TOX: variants seen among roughly 807,000 people sequenced by gnomAD.
The protein encoded by TOX is thymocyte selection associated high mobility group box.
In TOX, 11 loss-of-function variants were observed where a neutral mutation model predicts 53.7. The observed-to-expected ratio is 0.20, with a 90% confidence interval of 0.13 to 0.34. TOX has a LOEUF of 0.34. Among genes scored for constraint, TOX ranks in the 10% least tolerant of loss-of-function variants. The pLI is 1.00. For missense variants in TOX, 570 were observed against 664.6 expected (o/e 0.86, Z 1.56); for synonymous variants, 225 against 245.3 (o/e 0.92, Z 0.77).
chr8:58,856,638 T>C (rs1305857869), intron 3 of TOX, among the ~76,000 whole-genome samples: 1 of 152,164 alleles, frequency 6.6e-6, no homozygotes, highest in African/African-American at 2.4e-5. Context: ...AGGAGGACAT[T>C]TGTAGCTTCC....
chr8:59,066,856 T>C (rs907705953), intron 1 of TOX, among the ~76,000 whole-genome samples: 3 of 152,242 alleles, frequency 2.0e-5, no homozygotes, highest in African/African-American at 7.2e-5. Flanking sequence ...AAACTCATTA[T>C]GACCAAAAGC....
chr8:58,912,993 A>G (rs568111141), intron 3 of TOX, among the ~76,000 whole-genome samples: 2 of 152,322 alleles, frequency 1.3e-5, no homozygotes, highest in Admixed American at 6.5e-5. Context: ...TGTCCTTACT[A>G]ACAAATGAAG....
At chr8:59,040,048 G>A (rs1803546746) in intron 1 of TOX, among the ~76,000 whole-genome samples, 1 of 152,030 alleles carries the variant, frequency 6.6e-6, no homozygotes, top group South Asian at 2.1e-4. Flanking sequence ...AAGAAGCATC[G>A]GCCGGGCGCG....
chr8:58,881,595 G>A (rs184500346), intron 3 of TOX, among the ~76,000 whole-genome samples: 1 of 151,868 alleles, frequency 6.6e-6, no homozygotes, highest in Non-Finnish European at 1.5e-5. Flanking sequence ...GTGGTGGCAC[G>A]TGCCTGTAGT....
chr8:59,044,163 G>C (rs960887628), intron 1 of TOX, among the ~76,000 whole-genome samples: 9 of 149,912 alleles, frequency 6.0e-5, no homozygotes, highest in Non-Finnish European at 1.2e-4. Context: ...GTTCAGAAAA[G>C]CTATGGTGGT....
chr8:59,106,714 A>C (rs945111965), intron 1 of TOX, among the ~76,000 whole-genome samples: 2 of 152,166 alleles, frequency 1.3e-5, no homozygotes, highest in Non-Finnish European at 2.9e-5. Flanking sequence ...CCGGGTTGTC[A>C]ATCATGAGGA....
At chr8:58,937,456 T>C (rs28419414) in intron 3 of TOX, among the ~76,000 whole-genome samples, 2,001 of 152,114 alleles carry the variant, frequency 0.013, 58 homozygotes, top group African/African-American at 0.046. Context: ...ATGGCCTATC[T>C]TGTGGCTGTG....
intron 3 of TOX, among the ~76,000 whole-genome samples, chr8:58,925,566 C>T (rs1812144535): frequency 6.6e-6 from 1 of 152,144 alleles, no homozygotes; most frequent in African/African-American, 2.4e-5. Context: ...CGATAACAAC[C>T]TTTCTCCATT....
At chr8:58,987,912 A>G (rs1409437937) in intron 1 of TOX, among the ~76,000 whole-genome samples, 1 of 152,178 alleles carries the variant, frequency 6.6e-6, no homozygotes, top group Non-Finnish European at 1.5e-5. Flanking sequence ...TTTCCTTTGA[A>G]AGATATGGAA....
intron 6 of TOX, among the ~76,000 whole-genome samples, chr8:58,821,015 G>C (rs1161326424): frequency 1.3e-5 from 2 of 152,090 alleles, no homozygotes; most frequent in Non-Finnish European, 2.9e-5. Context: ...ACCTTCAATA[G>C]CGTGTAAAAT....
At chr8:59,031,137 T>C (rs1456074369) in intron 1 of TOX, among the ~76,000 whole-genome samples, 2 of 152,106 alleles carry the variant, frequency 1.3e-5, no homozygotes, top group African/African-American at 4.8e-5. Context: ...ACCATAGGTG[T>C]GAAAAGAACA....
In TOX at chr8:59,095,905, A is replaced by T. The variant is rs113888725; in HGVS notation, c.102+22981T>A. 8.4e-4 allele frequency among the ~76,000 whole-genome samples: 128 copies of T among 152,290 alleles called. 2 individuals are homozygous for T. Among genetic ancestry groups the T allele is most frequent in the African/African-American group, 3.0e-3 (124 of 41,556 alleles). ...GTGTAGAGAGGTATTTGAATCAGTC[A>T]TTCATTTAACACATCCCCATTCTGT... On this transcript the variant is annotated intron_variant, in intron 1 of 8. Coordinates refer to ENST00000361421, the MANE Select transcript of TOX (RefSeq NM_014729.3).
chr8:58,998,039 G>T (rs1431900050), intron 1 of TOX, among the ~76,000 whole-genome samples: 1 of 152,014 alleles, frequency 6.6e-6, no homozygotes, highest in African/African-American at 2.4e-5. Flanking sequence ...TGATCCGCCC[G>T]CCTCGGCCTG....
At chr8:59,057,137 T>C (rs1390567922) in intron 1 of TOX, among the ~76,000 whole-genome samples, 2 of 152,226 alleles carry the variant, frequency 1.3e-5, no homozygotes, top group East Asian at 3.8e-4. Context: ...CAAATGCTAG[T>C]GCTGCCTTGA....
chr8:58,909,905 G>A (rs909200853), intron 3 of TOX, among the ~76,000 whole-genome samples: 10 of 152,086 alleles, frequency 6.6e-5, no homozygotes, highest in Admixed American at 6.5e-4. Context: ...TGATCTGCCT[G>A]CCTTGGCCTC....
chr8:58,823,270 T>C (rs1457827840), intron 6 of TOX, among the ~76,000 whole-genome samples: 1 of 152,168 alleles, frequency 6.6e-6, no homozygotes. Context: ...TCGCCCAGGA[T>C]GGAGGGCAGG....
At chr8:58,914,568 G>C (rs1368991813) in intron 3 of TOX, among the ~76,000 whole-genome samples, 1 of 152,116 alleles carries the variant, frequency 6.6e-6, no homozygotes, top group Non-Finnish European at 1.5e-5. Context: ...AGAAATACTG[G>C]CATCTAATGG....
chr8:59,070,202 GAATAATTA>G (rs779102265), intron 1 of TOX, among the ~76,000 whole-genome samples: 2 of 152,092 alleles, frequency 1.3e-5, no homozygotes, highest in Non-Finnish European at 2.9e-5. Context: ...GCTCTCTTCT[GAATAATTA>G]AAAAGTTTAA....
intron 1 of TOX, among the ~76,000 whole-genome samples, chr8:59,016,237 C>T (rs1215690314): frequency 6.6e-6 from 1 of 152,032 alleles, no homozygotes; most frequent in African/African-American, 2.4e-5. Flanking sequence ...CAATTGCTAC[C>T]AGTTAAAAAT....
Sources: allele counts gnomAD v4.1 joint callset (sites outside exome capture counted in the v4.1 genomes callset), GRCh38; gene constraint gnomAD v4.1.1; transcripts MANE v1.5; gene names NCBI Gene and HGNC (gene_info 2026-07-23, HGNC 2026-07-21).